Variants in GABRB3 observed in about 807,000 individuals in gnomAD.
GABRB3 encodes gamma-aminobutyric acid type A receptor subunit beta3, also known as gamma-aminobutyric acid receptor subunit beta-3.
Under a neutral mutation model 52.1 loss-of-function variants are expected in GABRB3, and 14 were observed. The ratio of observed to expected loss-of-function variants is 0.27; its 90% confidence interval spans 0.18 to 0.42. The LOEUF (loss-of-function observed/expected upper bound fraction) is 0.42. Ranked by LOEUF, GABRB3 falls within the 10% of genes least tolerant of loss-of-function variation. The pLI, the probability that GABRB3 is intolerant of heterozygous loss-of-function variation, is 1.00. For synonymous variants in GABRB3, 260 were observed against 232.3 expected (o/e 1.12, Z -1.08); for missense variants, 307 against 609.1 (o/e 0.50, Z 5.22).
chr15:26,705,750 A>C (rs2140123623), intron 3 of GABRB3, among the ~76,000 whole-genome samples: 1 of 152,324 alleles, frequency 6.6e-6, no homozygotes, highest in African/African-American at 2.4e-5. Flanking sequence ...GAGCAGCAGG[A>C]AACATTTGGG....
At chr15:26,677,024 T>C (rs1008975329) in intron 3 of GABRB3, among the ~76,000 whole-genome samples, 17 of 152,350 alleles carry the variant, frequency 1.1e-4, no homozygotes, top group African/African-American at 3.6e-4. Flanking sequence ...GGACCTGTGC[T>C]GGGAAGAACT....
At chr15:26,630,716 C>G (rs17560911) in intron 3 of GABRB3, among the ~76,000 whole-genome samples, 47,167 of 152,066 alleles carry the variant, frequency 0.31, 9,162 homozygotes, top group Middle Eastern at 0.5. Context: ...TCATAAAGCC[C>G]TTTGATAATC....
intron 8 of GABRB3, among the ~76,000 whole-genome samples, chr15:26,555,717 G>C (rs1006023789): frequency 6.6e-6 from 1 of 152,204 alleles, no homozygotes; most frequent in African/African-American, 2.4e-5. Flanking sequence ...TTCAGAGTGG[G>C]TGAACACTTG....
Position 26,623,700 on chromosome 15 carries a change from G to A in GABRB3, c.241-2166C>T, listed in dbSNP as rs563994668. 7.9e-5 allele frequency among the ~76,000 whole-genome samples: 12 copies of A among 152,182 alleles called. No individual in the cohort carries two copies. In the South Asian group the frequency reaches 2.5e-3, roughly 32 times the overall value. On this transcript the variant is annotated intron_variant, in intron 3 of 8. Transcript: ENST00000311550. ...CTATCACCCGCTTAAACTGCCCCAG[G>A]TCCAGGTAATGGACAACTAAAGACA...
At chr15:26,693,810 A>T (rs1287830394) in intron 3 of GABRB3, among the ~76,000 whole-genome samples, 1 of 152,198 alleles carries the variant, frequency 6.6e-6, no homozygotes, top group African/African-American at 2.4e-5. Flanking sequence ...AGCATAGCCT[A>T]CCTTGAGAGT....
Position 26,548,111 on chromosome 15 carries a change from C to A in GABRB3, c.1104G>T (p.Leu368=). Residue 368 remains leucine, a synonymous_variant, in exon 9 of 9, where the codon CTG becomes CTT. Transcript: ENST00000311550. ...CATTGTGAACTTCCAGCGATGTCAA[C>A]AGAATATTTCCATGAGCATCCACCT... ...SNRVDAHGNI[L]LTSLEVHNEM... is the part of the protein sequence containing the mutation. 3.1e-6 allele frequency: 5 copies of A among 1,614,142 alleles called. No individual in the cohort carries two copies. The highest frequency in any genetic ancestry group is 4.2e-6 in the Non-Finnish European group (5 of 1,180,012).
Position 26,693,923 on chromosome 15 carries a change from C to G in GABRB3, c.241-72389G>C, listed in dbSNP as rs151075029. ...TCTCAGATGAAGACTACAGAAAAAT[C>G]CCCTTGTTCTTCCAGCAGGAAGAGA... On this transcript the variant is annotated intron_variant, in intron 3 of 8. Coordinates refer to ENST00000311550, the MANE Select transcript of GABRB3 (RefSeq NM_000814.6). Among the ~76,000 whole-genome samples, 1,212 of 152,174 alleles carry G rather than the reference C, an allele frequency of 8.0e-3. 40 individuals carry two copies. The highest frequency in any genetic ancestry group is 0.054 in the Admixed American group (829 of 15,286).
At chr15:26,640,335 G>A (rs1799253121) in intron 3 of GABRB3, among the ~76,000 whole-genome samples, 1 of 152,166 alleles carries the variant, frequency 6.6e-6, no homozygotes, top group South Asian at 2.1e-4. Context: ...GGCTAACACA[G>A]TGAAACCCCA....
In GABRB3 at chr15:26,627,930, G is replaced by C. The variant is rs548208675; in HGVS notation, c.241-6396C>G. Among the ~76,000 whole-genome samples the C allele has an allele frequency of 1.3e-4, 20 of 152,274 alleles. No individual in the cohort carries two copies. The South Asian group carries it at 4.1e-3, about 32-fold the overall frequency. On this transcript the variant is annotated intron_variant, in intron 3 of 8. Coordinates refer to ENST00000311550, the MANE Select transcript of GABRB3 (RefSeq NM_000814.6). Reference sequence around the variant, plus strand: ...GCTACAGAGAAATCTTTCATGAAAGGAATAGCCAAAGTAATAAATTTCATT... The same window carrying C: ...GCTACAGAGAAATCTTTCATGAAAGCAATAGCCAAAGTAATAAATTTCATT...
chr15:26,741,546 T>C (rs1890207666), intron 3 of GABRB3, among the ~76,000 whole-genome samples: 1 of 152,222 alleles, frequency 6.6e-6, no homozygotes, highest in Non-Finnish European at 1.5e-5. Context: ...ATGTCCATCC[T>C]ACGTATGCTG....
chr15:26,675,670 A>C (rs1888045871), intron 3 of GABRB3, among the ~76,000 whole-genome samples: 1 of 152,168 alleles, frequency 6.6e-6, no homozygotes, highest in African/African-American at 2.4e-5. Context: ...AATTTATGGC[A>C]AAAGAGCAGA....
At chr15:26,681,537 G>A (rs997313392) in intron 3 of GABRB3, among the ~76,000 whole-genome samples, 3 of 152,068 alleles carry the variant, frequency 2.0e-5, no homozygotes, top group Admixed American at 6.6e-5. Flanking sequence ...TGTCCTTCTC[G>A]ATGTTTTCAA....
chr15:26,561,758 GAGCTCAAAGAGAAAGAAAT>G (rs1301778025), intron 7 of GABRB3, among the ~76,000 whole-genome samples: 5 of 152,182 alleles, frequency 3.3e-5, no homozygotes, highest in Non-Finnish European at 7.3e-5. Flanking sequence ...ATCCAGTCCT[GAGCTCAAAGAGAAAGAAAT>G]AGCTGAGTGA....
At chr15:26,768,669 A>G (rs1481547385) in intron 3 of GABRB3, among the ~76,000 whole-genome samples, 1 of 152,208 alleles carries the variant, frequency 6.6e-6, no homozygotes, top group African/African-American at 2.4e-5. Flanking sequence ...AGAAATATAC[A>G]AACTAAATCT....
chr15:26,664,190 G>A (rs1158153604), intron 3 of GABRB3, among the ~76,000 whole-genome samples: 1 of 152,180 alleles, frequency 6.6e-6, no homozygotes, highest in African/African-American at 2.4e-5. Context: ...CTACAGGCAT[G>A]TGCCACCATA....
rs144376018 is a variant in GABRB3 at position 26,604,415 on chromosome 15, A to T, written c.461+16899T>A. 2.0e-4 allele frequency among the ~76,000 whole-genome samples: 30 copies of T among 152,284 alleles called. No individual in the cohort carries two copies. In the East Asian group the frequency reaches 5.4e-3, roughly 27 times the overall value. On this transcript the variant is annotated intron_variant, in intron 4 of 8. Transcript: ENST00000311550. ...ATTCTTCACAGAAATAGAAAAAACA[A>T]TCCTAAAATTTATATGGAATCATAA...
In GABRB3 at chr15:26,583,308, AGAAACACAGATACG is replaced by A; in HGVS notation, c.544+10_544+23del. The A allele has an allele frequency of 6.3e-7, 1 of 1,583,402 alleles. No individual in the cohort carries two copies. The highest frequency in any genetic ancestry group is 8.7e-7 in the Non-Finnish European group (1 of 1,151,870). On this transcript the variant is annotated intron_variant, in intron 5 of 8. Transcript: ENST00000311550. The stretch of plus-strand genomic sequence containing the variant: ...ATCAAAAGTACAAATAGGAGGAGAA[AGAAACACAGATACG>A]GATACACACAGCTTTCAATTTCCAG...
chr15:26,579,994 C>T (rs1234902748), intron 6 of GABRB3, among the ~76,000 whole-genome samples: 2 of 152,226 alleles, frequency 1.3e-5, no homozygotes, highest in Non-Finnish European at 2.9e-5. Flanking sequence ...CTCTTCCTTC[C>T]TGCCTCCAAG....
chr15:26,701,968 C>T (rs1888949218), intron 3 of GABRB3, among the ~76,000 whole-genome samples: 1 of 152,018 alleles, frequency 6.6e-6, no homozygotes, highest in Non-Finnish European at 1.5e-5. Flanking sequence ...GTAGTTAGTT[C>T]AATGAAAAAG....
Sources: allele counts gnomAD v4.1 joint callset (sites outside exome capture counted in the v4.1 genomes callset), GRCh38; gene constraint gnomAD v4.1.1; transcripts MANE v1.5; gene names NCBI Gene and HGNC (gene_info 2026-07-23, HGNC 2026-07-21).